The following PXYLP1 variants were observed in gnomAD, a reference collection of about 807,000 sequenced individuals.
The protein encoded by PXYLP1 is acid phosphatase-like 2.
A neutral mutation model predicts 37.9 loss-of-function variants in PXYLP1; 17 were observed. The ratio of observed to expected loss-of-function variants is 0.45; its 90% confidence interval spans 0.31 to 0.67. The LOEUF (loss-of-function observed/expected upper bound fraction) is 0.67. Ranked by LOEUF, PXYLP1 falls within the 30% of genes least tolerant of loss-of-function variation. The pLI is 0.07. For missense variants in PXYLP1, 511 were observed against 612.0 expected (o/e 0.84, Z 1.74); for synonymous variants, 221 against 232.2 (o/e 0.95, Z 0.44).
intron 2 of PXYLP1, among the ~76,000 whole-genome samples, chr3:141,263,179 T>C (rs1246492145): frequency 6.6e-6 from 1 of 152,262 alleles, no homozygotes; most frequent in African/African-American, 2.4e-5. Flanking sequence ...ACAGAAAGTA[T>C]GTAGTGAACC....
chr3:141,260,710 A>G lies in PXYLP1; in HGVS notation c.79+456A>G, dbSNP rs536559577. 1.8e-3 allele frequency among the ~76,000 whole-genome samples: 274 copies of G among 152,290 alleles called. 1 individual carries two copies. Among genetic ancestry groups the G allele is most frequent in the Non-Finnish European group, 1.3e-3 (87 of 68,008 alleles). ...CCAGGCAGCAGGGGCTGCATGGGAA[A>G]TCCCCTGTGACGAGACAGGAGGACT... On this transcript the variant is annotated intron_variant, in intron 2 of 5. Coordinates refer to ENST00000286353, the MANE Select transcript of PXYLP1 (RefSeq NM_001037172.3).
intron 5 of PXYLP1, among the ~76,000 whole-genome samples, chr3:141,287,930 T>A (rs542958421): frequency 1.3e-5 from 2 of 152,386 alleles, no homozygotes; most frequent in African/African-American, 4.8e-5. Flanking sequence ...AATTGATCAT[T>A]TATTTAACTA....
At chr3:141,259,319 A>G (rs767959926) in intron 1 of PXYLP1, among the ~76,000 whole-genome samples, 5 of 152,248 alleles carry the variant, frequency 3.3e-5, no homozygotes, top group Non-Finnish European at 5.9e-5. Context: ...AGTTCTCTTT[A>G]AAATCCCAAA....
intron 1 of PXYLP1, among the ~76,000 whole-genome samples, chr3:141,241,435 G>T (rs1436549843): frequency 6.6e-6 from 1 of 152,186 alleles, no homozygotes; most frequent in South Asian, 2.1e-4. Flanking sequence ...TTGATGAGTA[G>T]AGTGGGAGGG....
chr3:141,242,217 G>A (rs919217730), intron 1 of PXYLP1, among the ~76,000 whole-genome samples: 8 of 152,214 alleles, frequency 5.3e-5, no homozygotes, highest in Admixed American at 2.6e-4. Context: ...ACATGCCCTC[G>A]AGGACACATT....
intron 1 of PXYLP1, among the ~76,000 whole-genome samples, chr3:141,243,273 G>A (rs117671417): frequency 0.013 from 2,016 of 152,308 alleles, 111 homozygotes; most frequent in Admixed American, 0.092. Flanking sequence ...TGCTGCCAGC[G>A]CCATGATGTA....
At chr3:141,269,543 G>T (rs961005033) in intron 2 of PXYLP1, among the ~76,000 whole-genome samples, 3 of 152,084 alleles carry the variant, frequency 2.0e-5, no homozygotes, top group Non-Finnish European at 4.4e-5. Flanking sequence ...CCTGTTTCCA[G>T]GTACTTTGGG....
At chr3:141,261,456 C>G (rs778307299) in intron 2 of PXYLP1, among the ~76,000 whole-genome samples, 9 of 152,066 alleles carry the variant, frequency 5.9e-5, no homozygotes, top group Non-Finnish European at 1.2e-4. Flanking sequence ...CCATTTTTTT[C>G]AGCACAATAA....
At chr3:141,253,619 T>C (rs1312392236) in intron 1 of PXYLP1, among the ~76,000 whole-genome samples, 3 of 151,828 alleles carry the variant, frequency 2.0e-5, no homozygotes, top group Non-Finnish European at 2.9e-5. Flanking sequence ...TAGAGCCTAG[T>C]GATCTGTTTA....
chr3:141,282,015 T>TGGATTG (rs918857697), intron 4 of PXYLP1, among the ~76,000 whole-genome samples: 9 of 152,120 alleles, frequency 5.9e-5, no homozygotes, highest in African/African-American at 1.9e-4. Context: ...GTGTGGAAGA[T>TGGATTG]GGATTGGAAG....
intron 1 of PXYLP1, among the ~76,000 whole-genome samples, chr3:141,241,422 G>C (rs754248457): frequency 6.6e-6 from 1 of 151,884 alleles, no homozygotes; most frequent in Non-Finnish European, 1.5e-5. Context: ...TGAGTCTGTC[G>C]TGTTGATGAG....
rs779414060 is a variant in PXYLP1, at chr3:141,287,301, A to G, written c.366-13A>G. The stretch of plus-strand genomic sequence containing the variant: ...AGCACTCTGACCTCTAACTCTCTCT[A>G]TCATCTCTCTAGGAAACCGTATCAC... On this transcript the variant is annotated splice_polypyrimidine_tract_variant and intron_variant, in intron 4 of 5. Transcript: ENST00000286353. The G allele has an allele frequency of 1.3e-5, 21 of 1,613,204 alleles. No individual in the cohort carries two copies. The African/African-American group carries it at 1.3e-4, about 10-fold the overall frequency.
intron 1 of PXYLP1, among the ~76,000 whole-genome samples, chr3:141,246,988 A>C (rs1305940897): frequency 6.6e-6 from 1 of 152,244 alleles, no homozygotes; most frequent in African/African-American, 2.4e-5. Flanking sequence ...AAGGCAGTCC[A>C]GTGGCGTTAT....
intron 2 of PXYLP1, among the ~76,000 whole-genome samples, chr3:141,270,797 C>G (rs1219544278): frequency 6.6e-6 from 1 of 152,118 alleles, no homozygotes; most frequent in African/African-American, 2.4e-5. Context: ...GTTTGATATC[C>G]CTTCCAGATC....
At position 141,293,047 on chromosome 3, in the gene PXYLP1, A is replaced by G. The variant is rs1559900145; in HGVS notation, c.1285A>G (p.Thr429Ala). Residue 429 changes from threonine to alanine, a missense_variant, in exon 6 of 6, where the codon ACA (threonine) becomes GCA (alanine). Transcript: ENST00000286353. ...GATTCTTTACAATGGCGTCGATGTC[A>G]CATTCCACACCTCTTTCTGCCAAGA... Reference protein sequence around the residue: ...VRILYNGVDVTFHTSFCQDHH... With the variant: ...VRILYNGVDVAFHTSFCQDHH... 6.2e-7 allele frequency: 1 copy of G among 1,614,118 alleles called. No individual in the cohort carries two copies.
At chr3:141,248,360 G>T (rs2148708027) in intron 1 of PXYLP1, among the ~76,000 whole-genome samples, 1 of 151,910 alleles carries the variant, frequency 6.6e-6, no homozygotes. Context: ...TACTTTATTG[G>T]CAGGGAGCTG....
At chr3:141,251,785 T>C (rs902821191) in intron 1 of PXYLP1, among the ~76,000 whole-genome samples, 4 of 152,174 alleles carry the variant, frequency 2.6e-5, no homozygotes, top group Non-Finnish European at 5.9e-5. Context: ...TAAAACCTCT[T>C]CAAACTCTGA....
At chr3:141,238,985 G>T (rs2107871647) in intron 1 of PXYLP1, among the ~76,000 whole-genome samples, 1 of 151,604 alleles carries the variant, frequency 6.6e-6, no homozygotes, top group African/African-American at 2.4e-5. Context: ...GAACCTACGT[G>T]TAAGTCGACC....
At position 141,287,357 on chromosome 3, in the gene PXYLP1, T is replaced by A. The variant is rs1387885754; in HGVS notation, c.409T>A (p.Ser137Thr). ...PKLEAFISHM[S>T]KGSGASFESP... is the part of the protein sequence containing the mutation. ...ACTGGAAGCTTTCATTAGTCACATG[T>A]CAAAAGGATCCGGAGCCTCTTTCGA... is the stretch of plus-strand genomic sequence containing the variant. Residue 137 changes from serine to threonine, a missense_variant, in exon 5 of 6, where the codon TCA (serine) becomes ACA (threonine). Ser to Thr is a moderately conservative substitution (Grantham distance 58). Transcript: ENST00000286353. 4 of 1,614,160 alleles carry A rather than the reference T, an allele frequency of 2.5e-6. No homozygotes were observed. The Admixed American group carries it at 6.7e-5, about 27-fold the overall frequency.
Sources: allele counts gnomAD v4.1 joint callset (sites outside exome capture counted in the v4.1 genomes callset), GRCh38; gene constraint gnomAD v4.1.1; transcripts MANE v1.5; gene names NCBI Gene and HGNC (gene_info 2026-07-23, HGNC 2026-07-21).